The following NYAP2 variants were observed in gnomAD, a reference collection of about 807,000 sequenced individuals.
NYAP2 encodes neuronal tyrosine-phosphorylated phosphoinositide-3-kinase adaptor 2, also known as neuronal tyrosine-phosphorylated phosphoinositide-3-kinase adapter 2.
In NYAP2, 23 loss-of-function variants were observed where a neutral mutation model predicts 50.4. The observed-to-expected ratio is 0.46, with a 90% CI of 0.33 to 0.65. The LOEUF is 0.65. Among genes scored for constraint, NYAP2 ranks in the 30% least tolerant of loss-of-function variants. NYAP2 has a pLI of 0.02. For missense variants in NYAP2, 885 were observed against 861.0 expected, an observed-to-expected ratio of 1.03 and a Z score of -0.35; for synonymous variants, 394 against 365.2, an observed-to-expected ratio of 1.08 and a Z score of -0.90.
At chr2:225,552,827 A>G (rs898405968) in intron 4 of NYAP2, among the ~76,000 whole-genome samples, 3 of 152,164 alleles carry the variant, frequency 2.0e-5, no homozygotes, top group Non-Finnish European at 4.4e-5. Context: ...AGCTGGGACT[A>G]CAGGCACCTG....
intron 3 of NYAP2, among the ~76,000 whole-genome samples, chr2:225,473,674 A>C (rs1289971373): frequency 1.3e-5 from 2 of 151,822 alleles, no homozygotes; most frequent in Non-Finnish European, 2.9e-5. Flanking sequence ...TTTTCCTGTA[A>C]ATTTGTTTGA....
chr2:225,641,049 G>C (rs1015829651), intron 6 of NYAP2, among the ~76,000 whole-genome samples: 1 of 152,108 alleles, frequency 6.6e-6, no homozygotes, highest in Non-Finnish European at 1.5e-5. Flanking sequence ...AATTCTGCTT[G>C]AGAACCACAA....
At chr2:225,495,849 G>C (rs2106174120) in intron 3 of NYAP2, among the ~76,000 whole-genome samples, 1 of 152,314 alleles carries the variant, frequency 6.6e-6, no homozygotes, top group East Asian at 1.9e-4. Flanking sequence ...TAAAGCTATG[G>C]AAGATAGATG....
intron 5 of NYAP2, among the ~76,000 whole-genome samples, chr2:225,624,252 T>A (rs1693170717): frequency 6.6e-6 from 1 of 152,242 alleles, no homozygotes; most frequent in East Asian, 1.9e-4. Context: ...AAATTAAGTT[T>A]GTCTAAAGTG....
chr2:225,444,601 ACTT>A (rs1406580836), intron 3 of NYAP2, among the ~76,000 whole-genome samples: 1 of 152,190 alleles, frequency 6.6e-6, no homozygotes, highest in African/African-American at 2.4e-5. Context: ...CTTGGAGAAA[ACTT>A]CTTGAAGGAC....
chr2:225,422,289 G>T (rs1042298475), intron 3 of NYAP2, among the ~76,000 whole-genome samples: 2 of 152,272 alleles, frequency 1.3e-5, no homozygotes, highest in Admixed American at 1.3e-4. Context: ...CATTAATAAA[G>T]AATACATCCA....
intron 4 of NYAP2, among the ~76,000 whole-genome samples, chr2:225,560,349 T>C (rs1236631369): frequency 2.0e-5 from 3 of 152,102 alleles, no homozygotes; most frequent in Non-Finnish European, 4.4e-5. Context: ...GTTTCTAACA[T>C]ACTTTGAGAG....
intron 3 of NYAP2, among the ~76,000 whole-genome samples, chr2:225,485,567 C>G (rs1197730263): frequency 6.6e-6 from 1 of 152,146 alleles, no homozygotes; most frequent in Non-Finnish European, 1.5e-5. Flanking sequence ...TGTTTAAAAG[C>G]TGGACAATGG....
At chr2:225,688,223 T>A in the NYAP2 span, among the ~76,000 whole-genome samples, 1 of 152,138 alleles carries the variant, frequency 6.6e-6, no homozygotes, top group African/African-American at 2.4e-5. Context: ...GAGTTTCAGG[T>A]TAGATGCCTC....
chr2:225,575,805 T>C (rs1320786446), intron 4 of NYAP2, among the ~76,000 whole-genome samples: 1 of 152,220 alleles, frequency 6.6e-6, no homozygotes. Context: ...GCCAGATGTG[T>C]TCTGGCTTAG....
chr2:225,700,158 C>T, the NYAP2 span: 12 of 151,874 alleles, frequency 7.9e-5, no homozygotes, highest in East Asian at 2.3e-3. Flanking sequence ...GTAATAGTTT[C>T]TTTCAAAAGC....
intron 5 of NYAP2, among the ~76,000 whole-genome samples, chr2:225,589,513 T>TAAAAAA (rs1228115440): frequency 4.0e-5 from 1 of 24,818 alleles, no homozygotes; most frequent in Non-Finnish European, 6.7e-5. Context: ...CTACTAAAAG[T>TAAAAAA]AAAATATATA....
chr2:225,567,580 A>G (rs771664731), intron 4 of NYAP2, among the ~76,000 whole-genome samples: 21 of 152,172 alleles, frequency 1.4e-4, no homozygotes, highest in Non-Finnish European at 2.8e-4. Context: ...GAAGTTCACA[A>G]GAAAGAAAGA....
chr2:225,464,699 C>G (rs1260978977), intron 3 of NYAP2, among the ~76,000 whole-genome samples: 1 of 152,194 alleles, frequency 6.6e-6, no homozygotes, highest in Non-Finnish European at 1.5e-5. Flanking sequence ...GGAAAGCAAT[C>G]CACGTTAGTT....
intron 3 of NYAP2, among the ~76,000 whole-genome samples, chr2:225,428,176 G>A (rs566048078): frequency 6.6e-6 from 1 of 152,162 alleles, no homozygotes; most frequent in African/African-American, 2.4e-5. Flanking sequence ...TTCTTAGGAA[G>A]AAAAGAATCA....
chr2:225,406,001 T>C (rs1313963262), intron 2 of NYAP2, among the ~76,000 whole-genome samples: 1 of 152,042 alleles, frequency 6.6e-6, no homozygotes, highest in Non-Finnish European at 1.5e-5. Context: ...ATTTAAGAAT[T>C]GGGAAACTAA....
At chr2:225,657,379 G>A (rs2106275981), downstream of NYAP2, among the ~76,000 whole-genome samples, 1 of 151,768 alleles carries the variant, frequency 6.6e-6, no homozygotes, top group South Asian at 2.1e-4. Context: ...CAAAGTGCTG[G>A]GATTATAGGC....
chr2:225,470,925 A>G (rs915094415), intron 3 of NYAP2, among the ~76,000 whole-genome samples: 1 of 152,072 alleles, frequency 6.6e-6, no homozygotes, highest in Non-Finnish European at 1.5e-5. Context: ...AGCTGGGAAG[A>G]CTTCCCACCT....
intron 3 of NYAP2, among the ~76,000 whole-genome samples, chr2:225,415,640 A>G (rs968889707): frequency 5.9e-5 from 9 of 152,178 alleles, no homozygotes; most frequent in Non-Finnish European, 1.2e-4. Context: ...TTTTGTCACG[A>G]ATAGCTAATA....
Sources: gnomAD v4.1 joint callset for allele counts (sites outside exome capture counted in the v4.1 genomes callset) on GRCh38, gnomAD v4.1.1 for gene constraint, MANE v1.5 for transcripts, NCBI Gene and HGNC (gene_info 2026-07-23, HGNC 2026-07-21) for gene names.